The following PLAG1 variants were observed in gnomAD, a reference collection of about 807,000 sequenced individuals.
PLAG1 encodes the protein zinc finger protein PLAG1.
PLAG1 carries 7 observed loss-of-function variants against 35.5 expected under a neutral mutation model. The observed-to-expected ratio is 0.20, with a 90% CI of 0.11 to 0.37. PLAG1 has a LOEUF of 0.37. Among genes scored for constraint, PLAG1 ranks in the 10% least tolerant of loss-of-function variants. The pLI, the probability that PLAG1 is intolerant of heterozygous loss-of-function variation, is 1.00. For synonymous variants in PLAG1, 229 were observed against 225.4 expected, an observed-to-expected ratio of 1.02 and a Z score of -0.14; for missense variants, 454 against 602.8, an observed-to-expected ratio of 0.75 and a Z score of 2.58.
At position 56,166,502 on chromosome 8, in the gene PLAG1, G is replaced by C. The variant is rs1811357260; in HGVS notation, c.1244C>G (p.Ala415Gly). Residue 415 changes from alanine (A) to glycine (G), a missense_variant, in exon 5 of 5, where the codon GCA becomes GGA. Coordinates refer to ENST00000316981, the MANE Select transcript of PLAG1 (RefSeq NM_002655.3). ...ATTAAACAACTGAGAAAAATCCAATGCTGGTGTGTTTAGGGGGTCACTGAT... is the reference window on the plus strand; with the variant it reads ...ATTAAACAACTGAGAAAAATCCAATCCTGGTGTGTTTAGGGGGTCACTGAT... ...ISISDPLNTPALDFSQLFNFI... is the reference protein window; with the variant it reads ...ISISDPLNTPGLDFSQLFNFI... 1 of 1,614,026 alleles carries C rather than the reference G, an allele frequency of 6.2e-7. No individual in the cohort carries two copies. The highest frequency in any genetic ancestry group is 2.2e-5 in the East Asian group (1 of 44,886).
intron 1 of PLAG1, among the ~76,000 whole-genome samples, chr8:56,183,429 T>TCCTGA (rs1811929612): frequency 1.3e-5 from 2 of 152,114 alleles, no homozygotes; most frequent in Non-Finnish European, 2.9e-5. Context: ...GAATATTAAA[T>TCCTGA]CCTATGGGAA....
rs1056253308 is a variant in PLAG1 at position 56,163,025 on chromosome 8, C to G, written c.*3218G>C. The G allele has an allele frequency of 4.8e-6, 1 of 206,662 alleles. No individual in the cohort carries two copies. Among genetic ancestry groups the G allele is most frequent in the Non-Finnish European group, 9.9e-6 (1 of 100,940 alleles). 12.8% of individuals were successfully genotyped at this position (206,662 alleles called of 1,614,324 possible). On this transcript the variant is annotated 3_prime_UTR_variant, in exon 5 of 5. Transcript: ENST00000316981. ...TTAAAATGAAAGTTTTAACAGTGAT[C>G]GATAACTATAAAGGTACTTGTATAC...
chr8:56,197,481 T>C lies in PLAG1; in HGVS notation c.-322+13640A>G, dbSNP rs146618799. ...CCCCTCAAGCAGGGAAAAGACAGAGTCAGAGTTGCTGGTGCATCTCTTTCC... is the reference window on the plus strand; with the variant it reads ...CCCCTCAAGCAGGGAAAAGACAGAGCCAGAGTTGCTGGTGCATCTCTTTCC... On this transcript the variant is annotated intron_variant, in intron 1 of 4. Transcript: ENST00000316981. Among the ~76,000 whole-genome samples, 357 of 152,190 alleles carry C rather than the reference T, an allele frequency of 2.3e-3. 2 individuals carry two copies. Among genetic ancestry groups the C allele is most frequent in the African/African-American group, 8.3e-3 (344 of 41,490 alleles).
rs1811189099 is a variant in PLAG1 at position 56,161,226 on chromosome 8, CATG to C, written c.*5014_*5016del. On this transcript the variant is annotated 3_prime_UTR_variant, in exon 5 of 5. Transcript: ENST00000316981. The stretch of plus-strand genomic sequence containing the variant: ...GAATACATTTTAAGTACACGATATA[CATG>C]ATAAGCCACTTGATTTCCCAATATT... 5.0e-6 allele frequency: 1 copy of C among 198,812 alleles called. No individual in the cohort carries two copies. The highest frequency in any genetic ancestry group is 2.3e-5 in the African/African-American group (1 of 43,352). The allele number at this position is 198,812 out of a possible 1,614,324, so 12.3% of individuals were successfully genotyped here.
Position 56,210,855 on chromosome 8 carries a change from C to T in PLAG1, c.-322+266G>A, listed in dbSNP as rs1385542984. Among the ~76,000 whole-genome samples the T allele has an allele frequency of 6.6e-5, 10 of 151,706 alleles. No individual in the cohort carries two copies. In the East Asian group the frequency reaches 1.4e-3, roughly 21 times the overall value. On this transcript the variant is annotated intron_variant, in intron 1 of 4. Coordinates refer to ENST00000316981, the MANE Select transcript of PLAG1 (RefSeq NM_002655.3). ...TTTTTTTTTTTTCCCACCGACCTCA[C>T]CTTCGGGTCCCCAGCCGCATCGCCC...
intron 1 of PLAG1, among the ~76,000 whole-genome samples, chr8:56,201,266 T>C (rs1213536131): frequency 6.6e-6 from 1 of 152,214 alleles, no homozygotes; most frequent in Admixed American, 6.5e-5. Flanking sequence ...TCATGTAGAA[T>C]TACATTGTTT....
rs564699097 is a variant in PLAG1 at position 56,167,537 on chromosome 8, T to G, written c.243-34A>C. 3 of 1,416,558 alleles carry G rather than the reference T, an allele frequency of 2.1e-6. No homozygotes were observed. In the African/African-American group the frequency reaches 4.3e-5, roughly 20 times the overall value. The allele number at this position is 1,416,558 out of a possible 1,614,324, so 87.7% of individuals were successfully genotyped here. ...ACAGATATAATCTATAAGTAGTTATTATGACAAAAATGGCATGTATTCACT... is the reference window on the plus strand; with the variant it reads ...ACAGATATAATCTATAAGTAGTTATGATGACAAAAATGGCATGTATTCACT... On this transcript the variant is annotated intron_variant, in intron 4 of 4. Transcript: ENST00000316981. The surrounding 1 kb of genome is among the most constrained non-coding windows in gnomAD (Gnocchi z 5.9).
At chr8:56,169,406 A>G (rs1048692309) in intron 3 of PLAG1, among the ~76,000 whole-genome samples, 2 of 152,210 alleles carry the variant, frequency 1.3e-5, no homozygotes, top group Admixed American at 6.5e-5. Flanking sequence ...TAAACAAAAA[A>G]TTTAAAAATG....
intron 2 of PLAG1, among the ~76,000 whole-genome samples, chr8:56,174,273 T>G (rs542464205): frequency 6.6e-6 from 1 of 152,282 alleles, no homozygotes; most frequent in South Asian, 2.1e-4. Flanking sequence ...TTTACATGTA[T>G]GAAACACAAG....
intron 1 of PLAG1, among the ~76,000 whole-genome samples, chr8:56,195,326 G>A (rs1483481647): frequency 6.6e-6 from 1 of 152,020 alleles, no homozygotes; most frequent in Non-Finnish European, 1.5e-5. Context: ...CCATGTTAGG[G>A]AGCCATTACC....
rs776708502 is a variant in PLAG1, at chr8:56,166,533, T to C, written c.1213A>G (p.Ile405Val). ...GTGTTTAGGGGGTCACTGATGGAGATAGAGCTTTTGGATAGGGAGAGGTCT... is the reference window on the plus strand; with the variant it reads ...GTGTTTAGGGGGTCACTGATGGAGACAGAGCTTTTGGATAGGGAGAGGTCT... ...AGDLSLSKSSISISDPLNTPA... is the reference protein window; with the variant it reads ...AGDLSLSKSSVSISDPLNTPA... The change falls in exon 5 of 5, where the codon ATC becomes GTC. Residue 405 changes from isoleucine (I) to valine (V), a missense_variant. Transcript: ENST00000316981. 2.9e-5 allele frequency: 46 copies of C among 1,613,826 alleles called. No individual in the cohort carries two copies. The highest frequency in any genetic ancestry group is 1.6e-4 in the Middle Eastern group (1 of 6,082).
chr8:56,191,068 G>C, intron 1 of PLAG1, among the ~76,000 whole-genome samples: 1 of 152,184 alleles, frequency 6.6e-6, no homozygotes, highest in East Asian at 1.9e-4. Context: ...GAGTGACCAA[G>C]GAGGGCCAAA....
chr8:56,170,615 A>G (rs987950975), intron 3 of PLAG1, among the ~76,000 whole-genome samples: 5 of 152,242 alleles, frequency 3.3e-5, no homozygotes, highest in African/African-American at 1.2e-4. Flanking sequence ...TATATAACTA[A>G]TATCTGAAAA....
chr8:56,168,403 G>T lies in PLAG1; in HGVS notation c.-117-17C>A. 2.5e-6 allele frequency: 3 copies of T among 1,216,894 alleles called. No homozygotes were observed. Among genetic ancestry groups the T allele is most frequent in the Non-Finnish European group, 1.1e-6 (1 of 927,460 alleles). 75.4% of individuals were successfully genotyped at this position (1,216,894 alleles called of 1,614,324 possible). ...AAAAAGGGACTGGAAAAAAAAATAA[G>T]AAACAACTAGTTTGTAACTAAACTC... On this transcript the variant is annotated splice_polypyrimidine_tract_variant and intron_variant, in intron 3 of 4. Coordinates refer to ENST00000316981, the MANE Select transcript of PLAG1 (RefSeq NM_002655.3).
At chr8:56,184,043 G>A (rs1811947577) in intron 1 of PLAG1, among the ~76,000 whole-genome samples, 1 of 152,140 alleles carries the variant, frequency 6.6e-6, no homozygotes, top group African/African-American at 2.4e-5. Context: ...AAAAGGACAA[G>A]CCATTAGAAG....
rs778993672 is a variant in PLAG1 at position 56,166,803 on chromosome 8, T to C, written c.943A>G (p.Met315Val). Residue 315 changes from methionine (M) to valine (V), a missense_variant, in exon 5 of 5, where the codon ATG becomes GTG. This residue lies in a region of PLAG1 where 271 missense variants were observed against 315.6 expected (regional missense o/e 0.86). Coordinates refer to ENST00000316981, the MANE Select transcript of PLAG1 (RefSeq NM_002655.3). ...GTGTCCATATCTATTGGGCATGTCA[T>C]TCCCAAAGGTAAAGTTGTGATCATT... Reference protein sequence around the residue: ...HQMITTLPLGMTCPIDMDTVH... With the variant: ...HQMITTLPLGVTCPIDMDTVH... The C allele has an allele frequency of 1.2e-6, 2 of 1,614,078 alleles. No homozygotes were observed. Among genetic ancestry groups the C allele is most frequent in the South Asian group, 1.1e-5 (1 of 91,084 alleles).
rs113291418 is a variant in PLAG1 at position 56,173,419 on chromosome 8, T to C, written c.-216-2230A>G. Among the ~76,000 whole-genome samples, 983 of 152,212 alleles carry C rather than the reference T, an allele frequency of 6.5e-3. 15 individuals are homozygous for C. Among genetic ancestry groups the C allele is most frequent in the African/African-American group, 0.022 (925 of 41,564 alleles). ...GGTTAGAAATTATTCTTTGGATTGA[T>C]ATAATAAAAAATATACAGTTTGTAT... On this transcript the variant is annotated intron_variant, in intron 2 of 4. Transcript: ENST00000316981.
chr8:56,188,674 A>G (rs900510612), intron 1 of PLAG1, among the ~76,000 whole-genome samples: 1 of 152,236 alleles, frequency 6.6e-6, no homozygotes, highest in Non-Finnish European at 1.5e-5. Context: ...GTACTTTCTC[A>G]TGTATCCACC....
intron 1 of PLAG1, among the ~76,000 whole-genome samples, chr8:56,196,951 C>CGCGTGT (rs1554537773): frequency 7.0e-6 from 1 of 142,962 alleles, no homozygotes; most frequent in African/African-American, 2.7e-5. Context: ...CCCTAGTGTG[C>CGCGTGT]GTGTGTGTGT....
Sources: gnomAD v4.1 joint callset for allele counts (sites outside exome capture counted in the v4.1 genomes callset) on GRCh38, gnomAD v4.1.1 for gene constraint, gnomAD v4.1.1 regional missense constraint, Gnocchi (gnomAD v3.1) non-coding constraint, MANE v1.5 for transcripts, NCBI Gene and HGNC (gene_info 2026-07-23, HGNC 2026-07-21) for gene names.